The following PKD2 variants were observed in gnomAD, a reference collection of about 807,000 sequenced individuals.
PKD2 encodes the protein polycystin 2, transient receptor potential cation channel, also known as polycystin-2.
Under a neutral mutation model 105.9 loss-of-function variants are expected in PKD2, and 48 were observed. The observed-to-expected ratio is 0.45, with a 90% CI of 0.36 to 0.58. The LOEUF is 0.58. PKD2 is among the 20% of genes least tolerant of loss of function. PKD2 has a pLI of 0.00. For missense variants in PKD2, 1,078 were observed against 1,255.3 expected (o/e 0.86, Z 2.13); for synonymous variants, 464 against 481.1 (o/e 0.96, Z 0.46).
At position 88,075,746 on chromosome 4, in the gene PKD2, G is replaced by T. The variant is rs1578154461; in HGVS notation, c.*52G>T. The T allele has an allele frequency of 1.5e-6, 2 of 1,308,906 alleles. No homozygotes were observed. The highest frequency in any genetic ancestry group is 2.0e-4 in the Middle Eastern group (1 of 5,002). The allele number at this position is 1,308,906 out of a possible 1,614,324, so 81.1% of individuals were successfully genotyped here. A position where few individuals can be genotyped will look rare whatever the true frequency, so the allele number is the denominator to read the frequency against. On this transcript the variant is annotated 3_prime_UTR_variant, in exon 15 of 15. Coordinates refer to ENST00000237596, the MANE Select transcript of PKD2 (RefSeq NM_000297.4). ...TAATAAGTGAGGAAGTGGCTGTCCTGAATTGCTGTAACAAGCACACTATTT... is the reference window on the plus strand; with the variant it reads ...TAATAAGTGAGGAAGTGGCTGTCCTTAATTGCTGTAACAAGCACACTATTT...
intron 6 of PKD2, among the ~76,000 whole-genome samples, chr4:88,050,995 C>A (rs191079233): frequency 6.6e-6 from 1 of 152,142 alleles, no homozygotes; most frequent in Non-Finnish European, 1.5e-5. Flanking sequence ...CAGCAAAGAT[C>A]GCAGCACCTG....
intron 10 of PKD2, among the ~76,000 whole-genome samples, chr4:88,062,595 CTT>C (rs1191071510): frequency 1.3e-5 from 2 of 152,164 alleles, no homozygotes; most frequent in Non-Finnish European, 2.9e-5. Context: ...AGTTGGGCCT[CTT>C]TGTTCTTCTC....
Position 88,043,460 on chromosome 4 carries a change from G to T in PKD2, c.1319+3G>T. 6.3e-7 allele frequency: 1 copy of T among 1,575,600 alleles called. No homozygotes were observed. The highest frequency in any genetic ancestry group is 8.7e-7 in the Non-Finnish European group (1 of 1,144,956). On this transcript the variant is annotated splice_donor_region_variant and intron_variant, in intron 5 of 14. Transcript: ENST00000237596. ...ATTAACCTGTTCTGTGTGGTCAGGT[G>T]TGTACTGAGGACATGCATCCCTCCT...
chr4:88,053,386 C>T (rs372597116), intron 7 of PKD2, among the ~76,000 whole-genome samples: 1 of 152,230 alleles, frequency 6.6e-6, no homozygotes, highest in South Asian at 2.1e-4. Flanking sequence ...TTGGACCAGG[C>T]GCAGTGGCTC....
At chr4:88,045,778 A>G (rs927383166) in intron 5 of PKD2, among the ~76,000 whole-genome samples, 2 of 142,972 alleles carry the variant, frequency 1.4e-5, no homozygotes, top group Middle Eastern at 3.4e-3. Flanking sequence ...GTACCCACCT[A>G]TTAACTATAA....
chr4:88,065,955 G>A (rs1290063020), intron 12 of PKD2, 76 bp downstream of exon 12: 12 of 857,304 alleles, frequency 1.4e-5, no homozygotes, highest in Non-Finnish European at 2.2e-5. Context: ...TATAGAAGTA[G>A]TGGGTTATTG....
In PKD2 at chr4:88,008,319, G is replaced by C. The variant is rs756765752; in HGVS notation, c.586G>C (p.Gly196Arg). ...RVAWAERLVR[G>R]LRGLWGTRLM... ...GGCCTGGGCGGAGAGGCTGGTTCGCGGGCTGCGAGGTAAGAGCGCGCGACC... is the reference window on the plus strand; with the variant it reads ...GGCCTGGGCGGAGAGGCTGGTTCGCCGGCTGCGAGGTAAGAGCGCGCGACC... The change falls in exon 1 of 15, where the codon GGG becomes CGG. Residue 196 changes from glycine to arginine, a missense_variant. By Grantham distance (125) the Gly-to-Arg change is moderately radical. Around this residue, in one of 2 missense-constraint regions of PKD2, gnomAD observed 868 missense variants for 1,067.3 expected, o/e 0.81. Coordinates refer to ENST00000237596, the MANE Select transcript of PKD2 (RefSeq NM_000297.4). The C allele has an allele frequency of 4.6e-6, 7 of 1,512,326 alleles. No homozygotes were observed. The South Asian group carries it at 7.4e-5, about 16-fold the overall frequency. 93.7% of individuals were successfully genotyped at this position (1,512,326 alleles called of 1,614,324 possible). A position where few individuals can be genotyped will look rare whatever the true frequency, so the allele number is the denominator to read the frequency against.
chr4:88,043,564 G>A, intron 5 of PKD2, 107 bp downstream of exon 5: 1 of 768,170 alleles, frequency 1.3e-6, no homozygotes, highest in Non-Finnish European at 2.2e-6. Context: ...ACATGAGGAT[G>A]CCAAGGACCC....
chr4:88,033,591 C>T (rs1727235270), intron 2 of PKD2, among the ~76,000 whole-genome samples: 2 of 152,008 alleles, frequency 1.3e-5, no homozygotes, highest in Non-Finnish European at 2.9e-5. Flanking sequence ...AAGCAAAAAT[C>T]AATACTGGAT....
At chr4:88,059,601 A>C (rs1472431296) in intron 9 of PKD2, among the ~76,000 whole-genome samples, 1 of 152,182 alleles carries the variant, frequency 6.6e-6, no homozygotes, top group East Asian at 1.9e-4. Flanking sequence ...GTATTCAGTC[A>C]TCTTACCAGA....
intron 2 of PKD2, among the ~76,000 whole-genome samples, chr4:88,026,908 G>A (rs1280444104): frequency 6.6e-6 from 1 of 152,218 alleles, no homozygotes; most frequent in East Asian, 1.9e-4. Context: ...GCTTCCATGT[G>A]GTGTTGGGTC....
chr4:88,041,685 G>A (rs1002671200), intron 4 of PKD2, among the ~76,000 whole-genome samples: 3 of 152,140 alleles, frequency 2.0e-5, no homozygotes, highest in Non-Finnish European at 4.4e-5. Context: ...CAAAATTCCC[G>A]ACTCTCAGAA....
chr4:88,008,256 C>T lies in PKD2; in HGVS notation c.523C>T (p.His175Tyr). Residue 175 changes from histidine to tyrosine, a missense_variant, in exon 1 of 15, where the codon CAT becomes TAT. By Grantham distance (83) the His-to-Tyr change is moderately conservative. Coordinates refer to ENST00000237596, the MANE Select transcript of PKD2 (RefSeq NM_000297.4). ...PSPVGGGDPL[H>Y]RHLPLEGQPP... ...CCCAGTCGGCGGCGGGGACCCGCTG[C>T]ATCGCCACCTCCCCCTGGAAGGGCA... is the stretch of plus-strand genomic sequence containing the variant. 2.0e-6 allele frequency: 3 copies of T among 1,463,898 alleles called. No homozygotes were observed. Among genetic ancestry groups the T allele is most frequent in the South Asian group, 2.6e-5 (2 of 76,084 alleles). The allele number at this position is 1,463,898 out of a possible 1,614,324, so 90.7% of individuals were successfully genotyped here.
intron 6 of PKD2, among the ~76,000 whole-genome samples, chr4:88,048,771 C>T (rs1308454761): frequency 6.6e-6 from 1 of 152,168 alleles, no homozygotes; most frequent in Admixed American, 6.5e-5. Flanking sequence ...AACCCTTGAT[C>T]CCCAAATTCT....
At chr4:88,051,773 C>T (rs974343368) in intron 6 of PKD2, among the ~76,000 whole-genome samples, 9 of 152,072 alleles carry the variant, frequency 5.9e-5, no homozygotes, top group Admixed American at 2.6e-4. Flanking sequence ...GTTTCTATTC[C>T]GAACTAAGGA....
rs1412126529 is a variant in PKD2, at chr4:88,024,459, A to G, written c.709+4888A>G. Among the ~76,000 whole-genome samples, 17 of 56,550 alleles carry G rather than the reference A, an allele frequency of 3.0e-4. No individual in the cohort carries two copies. In the South Asian group the frequency reaches 3.9e-3, roughly 13 times the overall value. The allele number at this position is 56,550 out of a possible 152,430, so 37.1% of individuals were successfully genotyped here. A position where few individuals can be genotyped will look rare whatever the true frequency, so the allele number is the denominator to read the frequency against. On this transcript the variant is annotated intron_variant, in intron 2 of 14. Coordinates refer to ENST00000237596, the MANE Select transcript of PKD2 (RefSeq NM_000297.4). ...GCAATAGAGCAACACTCTGTCTCGA[A>G]AAAAAAAAAAAAAAAAAAAAAAAGA...
At position 88,076,167 on chromosome 4, in the gene PKD2, C is replaced by A. The variant is rs1485010316; in HGVS notation, c.*473C>A. The A allele has an allele frequency of 6.4e-6, 1 of 157,360 alleles. No homozygotes were observed. Among genetic ancestry groups the A allele is most frequent in the African/African-American group, 2.4e-5 (1 of 41,318 alleles). 9.7% of individuals were successfully genotyped at this position (157,360 alleles called of 1,614,324 possible). A position where few individuals can be genotyped will look rare whatever the true frequency, so the allele number is the denominator to read the frequency against. ...CATAGCTTTCTTTTAAGAAAGGAGC[C>A]TTTTTTTTCAACTAGCTTCCTGGGG... On this transcript the variant is annotated 3_prime_UTR_variant, in exon 15 of 15. Transcript: ENST00000237596.
At chr4:88,061,722 A>C (rs889910702) in intron 9 of PKD2, among the ~76,000 whole-genome samples, 184 bp from the exon 10 acceptor site, 2 of 151,870 alleles carry the variant, frequency 1.3e-5, no homozygotes, top group Non-Finnish European at 2.9e-5. Flanking sequence ...TGGGCAACAC[A>C]GTGAGACTCT....
In PKD2 at chr4:88,054,551, T is replaced by C. The variant is rs143725311; in HGVS notation, c.1717-1535T>C. On this transcript the variant is annotated intron_variant, in intron 7 of 14. Transcript: ENST00000237596. ...CTTCTAGAGATTTTCCTACAACATGTGTCTCAGGCTGATGTGTTTTATTTA... is the reference window on the plus strand; with the variant it reads ...CTTCTAGAGATTTTCCTACAACATGCGTCTCAGGCTGATGTGTTTTATTTA... 2.2e-3 allele frequency among the ~76,000 whole-genome samples: 340 copies of C among 152,194 alleles called. 1 individual carries two copies. Among genetic ancestry groups the C allele is most frequent in the African/African-American group, 7.8e-3 (322 of 41,526 alleles).
Sources: gnomAD v4.1 joint callset for allele counts (sites outside exome capture counted in the v4.1 genomes callset) on GRCh38, gnomAD v4.1.1 for gene constraint, gnomAD v4.1.1 regional missense constraint, MANE v1.5 for transcripts, NCBI Gene and HGNC (gene_info 2026-07-23, HGNC 2026-07-21) for gene names.